The following PRORP variants were observed in gnomAD, a reference collection of about 807,000 sequenced individuals.
PRORP encodes mitochondrial ribonuclease P catalytic subunit.
In PRORP, 51 loss-of-function variants were observed where a neutral mutation model predicts 59.4. The ratio of observed to expected loss-of-function variants is 0.86; its 90% CI spans 0.69 to 1.08. PRORP has a LOEUF of 1.08. PRORP is among the 50% of genes least tolerant of loss of function. The pLI is 0.00. For synonymous variants in PRORP, 231 were observed against 245.6 expected, an observed-to-expected ratio of 0.94 and a Z score of 0.55; for missense variants, 646 against 690.3, an observed-to-expected ratio of 0.94 and a Z score of 0.72.
chr14:35,146,790 C>T (rs1003954821), intron 4 of PRORP, among the ~76,000 whole-genome samples: 16 of 152,196 alleles, frequency 1.1e-4, no homozygotes, highest in Non-Finnish European at 1.9e-4. Context: ...TTACCCAGGT[C>T]GTATAAAAGT....
At chr14:35,124,562 A>G (rs1322261461) in intron 2 of PRORP, among the ~76,000 whole-genome samples, 1 of 151,306 alleles carries the variant, frequency 6.6e-6, no homozygotes, top group African/African-American at 2.4e-5. Context: ...TTTACGACAA[A>G]ATTTTCTCTC....
At chr14:35,131,841 C>T (rs12887496) in intron 4 of PRORP, among the ~76,000 whole-genome samples, 1 of 146,948 alleles carries the variant, frequency 6.8e-6, no homozygotes, top group African/African-American at 2.5e-5. Flanking sequence ...CCAATCCTTT[C>T]TTTTTTTCTT....
At chr14:35,218,459 T>TAAAAAAAAAAAAAAAAA (rs748403834) in intron 5 of PRORP, among the ~76,000 whole-genome samples, 1 of 44,778 alleles carries the variant, frequency 2.2e-5, no homozygotes, top group Non-Finnish European at 3.6e-5. Flanking sequence ...AGATCCTGTC[T>TAAAAAAAAAAAAAAAAA]AAAAAAAGAA....
chr14:35,164,207 A>G (rs1236332895), intron 4 of PRORP, among the ~76,000 whole-genome samples: 1 of 152,248 alleles, frequency 6.6e-6, no homozygotes, highest in African/African-American at 2.4e-5. Flanking sequence ...AAATTAGTTC[A>G]GCCACTGTGG....
chr14:35,184,858 T>G (rs2048704945), intron 5 of PRORP, among the ~76,000 whole-genome samples: 1 of 152,190 alleles, frequency 6.6e-6, no homozygotes, highest in Non-Finnish European at 1.5e-5. Flanking sequence ...ATGATCTCAT[T>G]CTTTTTTTGG....
rs1468446179 is a variant in PRORP, at chr14:35,123,535, A to G, written c.290A>G (p.Asn97Ser). Residue 97 changes from asparagine (N) to serine (S), a missense_variant, in exon 2 of 8, where the codon AAT (asparagine) becomes AGT (serine). Asn to Ser is a conservative substitution (Grantham distance 46). Transcript: ENST00000534898. ...AGAAKERSQM[N>S]SQTEDHALAP... ...GCAGCTAAGGAGAGATCACAGATGA[A>G]TTCTCAAACTGAAGATCATGCCTTG... is the stretch of plus-strand genomic sequence containing the variant. The G allele has an allele frequency of 3.1e-6, 5 of 1,614,176 alleles. No individual in the cohort carries two copies. Among genetic ancestry groups the G allele is most frequent in the Non-Finnish European group, 4.2e-6 (5 of 1,180,026 alleles).
At chr14:35,259,175 A>G (rs1320422538) in intron 5 of PRORP, among the ~76,000 whole-genome samples, 2 of 152,284 alleles carry the variant, frequency 1.3e-5, no homozygotes, top group East Asian at 3.9e-4. Flanking sequence ...GTTTTCTTAG[A>G]TTGACCCTGT....
intron 5 of PRORP, among the ~76,000 whole-genome samples, chr14:35,207,260 C>CT (rs2049318573): frequency 6.6e-6 from 1 of 152,200 alleles, no homozygotes; most frequent in Admixed American, 6.5e-5. Flanking sequence ...ACTCTTTACT[C>CT]TCAAAATTCA....
intron 5 of PRORP, among the ~76,000 whole-genome samples, chr14:35,230,692 T>C (rs1173220368): frequency 6.6e-6 from 1 of 152,150 alleles, no homozygotes; most frequent in Non-Finnish European, 1.5e-5. Flanking sequence ...ATGTGGAAGA[T>C]ACGGTAAAAG....
chr14:35,137,318 A>G (rs1385368531), intron 4 of PRORP, among the ~76,000 whole-genome samples: 1 of 145,238 alleles, frequency 6.9e-6, no homozygotes, highest in African/African-American at 2.4e-5. Flanking sequence ...AAAAAGGAAT[A>G]TTGCTGAGTA....
At chr14:35,161,947 A>AT (rs1324275989) in intron 4 of PRORP, among the ~76,000 whole-genome samples, 1 of 152,080 alleles carries the variant, frequency 6.6e-6, no homozygotes, top group Non-Finnish European at 1.5e-5. Context: ...ATGATTGAGA[A>AT]TTTTTTAGGG....
At chr14:35,257,024 C>T (rs1295934274) in intron 5 of PRORP, among the ~76,000 whole-genome samples, 5 of 151,974 alleles carry the variant, frequency 3.3e-5, no homozygotes, top group African/African-American at 4.8e-5. Flanking sequence ...AGGCGCTTGC[C>T]ACCATACCCA....
intron 5 of PRORP, among the ~76,000 whole-genome samples, chr14:35,251,143 C>T (rs966819764): frequency 1.3e-5 from 2 of 152,204 alleles, no homozygotes; most frequent in African/African-American, 4.8e-5. Context: ...TCCTGAGTTA[C>T]TTCACTTAGA....
chr14:35,263,424 C>T (rs560427856), intron 5 of PRORP, among the ~76,000 whole-genome samples: 62 of 152,284 alleles, frequency 4.1e-4, no homozygotes, highest in African/African-American at 6.7e-4. Context: ...CGGTGGCTCA[C>T]GCCTGTAATC....
intron 5 of PRORP, among the ~76,000 whole-genome samples, chr14:35,223,393 C>T (rs186386351): frequency 9.9e-5 from 15 of 151,600 alleles, no homozygotes; most frequent in African/African-American, 3.4e-4. Context: ...TTACTAATGT[C>T]GTGAGCCGTA....
intron 4 of PRORP, among the ~76,000 whole-genome samples, chr14:35,146,809 C>T: frequency 6.6e-6 from 1 of 152,112 alleles, no homozygotes; most frequent in East Asian, 1.9e-4. Flanking sequence ...GTTATCTTTC[C>T]ATGGCTGGAT....
intron 5 of PRORP, among the ~76,000 whole-genome samples, chr14:35,190,878 A>G (rs1188228190): frequency 6.6e-6 from 1 of 152,136 alleles, no homozygotes; most frequent in African/African-American, 2.4e-5. Context: ...TTGAACCAAC[A>G]TCTCTTCATC....
intron 5 of PRORP, among the ~76,000 whole-genome samples, chr14:35,213,986 G>A (rs2049520039): frequency 6.6e-6 from 1 of 152,208 alleles, no homozygotes; most frequent in African/African-American, 2.4e-5. Flanking sequence ...AAAGTAATGT[G>A]CAATAAAATA....
intron 5 of PRORP, chr14:35,222,408 A>G (rs1308276320): frequency 6.6e-6 from 1 of 152,268 alleles, no homozygotes; most frequent in African/African-American, 2.4e-5. Context: ...ACCATATTCA[A>G]TAAAAACAAC....
Sources: gnomAD v4.1 joint callset for allele counts (sites outside exome capture counted in the v4.1 genomes callset) on GRCh38, gnomAD v4.1.1 for gene constraint, MANE v1.5 for transcripts, NCBI Gene and HGNC (gene_info 2026-07-23, HGNC 2026-07-21) for gene names.